Variants in CALN1 observed in about 807,000 individuals in gnomAD.
CALN1 encodes the protein calcium-binding protein 8.
Under a neutral mutation model 30.6 loss-of-function variants are expected in CALN1, and 17 were observed. The observed-to-expected ratio is 0.56, with a 90% confidence interval of 0.38 to 0.83. CALN1 has a LOEUF of 0.83. CALN1 is among the 40% of genes least tolerant of loss of function. CALN1 has a pLI of 0.00. For missense variants in CALN1, 291 were observed against 354.9 expected, an observed-to-expected ratio of 0.82 and a Z score of 1.45; for synonymous variants, 156 against 131.4, an observed-to-expected ratio of 1.19 and a Z score of -1.28.
intron 6 of CALN1, among the ~76,000 whole-genome samples, chr7:71,793,753 G>C (rs933032501): frequency 2.2e-4 from 34 of 152,144 alleles, no homozygotes; most frequent in Non-Finnish European, 7.4e-5. Context: ...TTGTGTGCCT[G>C]TAATCCCCGC....
At chr7:72,140,363 G>GGAGC (rs1311862468) in intron 3 of CALN1, among the ~76,000 whole-genome samples, 9 of 139,826 alleles carry the variant, frequency 6.4e-5, no homozygotes, top group Admixed American at 2.1e-4. Context: ...AGGGAGGGAG[G>GGAGC]GAGGGAGGGA....
chr7:72,330,479 A>AG (rs1801594216), intron 2 of CALN1, among the ~76,000 whole-genome samples: 1 of 151,488 alleles, frequency 6.6e-6, no homozygotes, highest in Non-Finnish European at 1.5e-5. Flanking sequence ...AAAAAAAAAA[A>AG]AAAAAAAGAG....
At chr7:72,118,229 G>C (rs901291032) in intron 3 of CALN1, among the ~76,000 whole-genome samples, 1 of 152,156 alleles carries the variant, frequency 6.6e-6, no homozygotes. Context: ...AACTTATTAA[G>C]TGGTGAAATT....
At chr7:72,077,112 GTAGTTC>G (rs1804801428) in intron 4 of CALN1, among the ~76,000 whole-genome samples, 1 of 151,980 alleles carries the variant, frequency 6.6e-6, no homozygotes. Context: ...GGGTGGTATG[GTAGTTC>G]TGACCGTTAC....
At chr7:72,223,326 G>A (rs555242506) in intron 3 of CALN1, among the ~76,000 whole-genome samples, 1 of 152,268 alleles carries the variant, frequency 6.6e-6, no homozygotes, top group South Asian at 2.1e-4. Flanking sequence ...AGTCACTGGA[G>A]GAGGGAAAAT....
intron 5 of CALN1, among the ~76,000 whole-genome samples, chr7:72,015,304 C>A (rs116043642): frequency 1.2e-3 from 185 of 152,346 alleles, no homozygotes; most frequent in African/African-American, 3.5e-3. Flanking sequence ...CTCAAGCCAG[C>A]GTTGACGTCA....
At chr7:71,812,517 T>A (rs995937126) in intron 5 of CALN1, among the ~76,000 whole-genome samples, 1 of 152,182 alleles carries the variant, frequency 6.6e-6, no homozygotes, top group Non-Finnish European at 1.5e-5. Flanking sequence ...GTAAAAAGTC[T>A]GTGAAACAGA....
chr7:72,454,775 T>C, the CALN1 span, among the ~76,000 whole-genome samples: 2 of 151,496 alleles, frequency 1.3e-5, no homozygotes, highest in African/African-American at 4.8e-5. Flanking sequence ...AGCTGTCTCC[T>C]CCTCTCCGTT....
intron 6 of CALN1, among the ~76,000 whole-genome samples, chr7:71,788,940 G>A (rs1407798856): frequency 6.6e-6 from 1 of 151,906 alleles, no homozygotes; most frequent in Admixed American, 6.6e-5. Flanking sequence ...TTACAGGCGT[G>A]AGCCACTGCG....
At chr7:72,484,239 G>A in the CALN1 span, among the ~76,000 whole-genome samples, 2 of 150,100 alleles carry the variant, frequency 1.3e-5, no homozygotes, top group Non-Finnish European at 3.0e-5. Flanking sequence ...GTTGGATGCT[G>A]GCTATTTTTA....
chr7:72,189,913 C>T (rs1016807383), intron 3 of CALN1, among the ~76,000 whole-genome samples: 5 of 152,172 alleles, frequency 3.3e-5, no homozygotes, highest in East Asian at 1.9e-4. Context: ...TGCATATAGC[C>T]GAATTCTGTC....
At chr7:72,242,365 T>C (rs11770522) in intron 3 of CALN1, among the ~76,000 whole-genome samples, 28,729 of 152,142 alleles carry the variant, frequency 0.19, 3,765 homozygotes, top group East Asian at 0.43. Context: ...CATAAATTGA[T>C]GGATAATATG....
the CALN1 span, among the ~76,000 whole-genome samples, chr7:72,468,122 C>T: frequency 6.6e-6 from 1 of 152,132 alleles, no homozygotes; most frequent in African/African-American, 2.4e-5. Context: ...ATGTAAACAC[C>T]ACAATTTGTT....
At chr7:72,481,463 C>T in the CALN1 span, among the ~76,000 whole-genome samples, 80 of 152,196 alleles carry the variant, frequency 5.3e-4, no homozygotes, top group African/African-American at 1.8e-3. Flanking sequence ...TTTTCTATTT[C>T]GTTGATTTTT....
At chr7:72,294,880 G>C (rs907970242) in intron 2 of CALN1, among the ~76,000 whole-genome samples, 3 of 152,082 alleles carry the variant, frequency 2.0e-5, no homozygotes, top group African/African-American at 7.2e-5. Context: ...ATGAAGAAAA[G>C]TGGGTATTAG....
chr7:72,353,569 T>A (rs1803061708), intron 2 of CALN1, among the ~76,000 whole-genome samples: 1 of 152,134 alleles, frequency 6.6e-6, no homozygotes, highest in African/African-American at 2.4e-5. Context: ...AAAAGGGAAC[T>A]TTTTCATCCT....
At chr7:72,276,478 A>T (rs1347270980) in intron 3 of CALN1, among the ~76,000 whole-genome samples, 2 of 152,194 alleles carry the variant, frequency 1.3e-5, no homozygotes, top group Admixed American at 1.3e-4. Flanking sequence ...GCCCTCATGA[A>T]TGGGATTAGT....
chr7:72,451,019 CTACAGT>C (rs1808644578), upstream of CALN1, among the ~76,000 whole-genome samples: 1 of 151,822 alleles, frequency 6.6e-6, no homozygotes, highest in Non-Finnish European at 1.5e-5. Flanking sequence ...CCCCAGGATG[CTACAGT>C]TCATATCTTC....
At chr7:71,997,657 G>T (rs918130289) in intron 5 of CALN1, among the ~76,000 whole-genome samples, 1 of 151,938 alleles carries the variant, frequency 6.6e-6, no homozygotes, top group East Asian at 1.9e-4. Context: ...TAAAAACTCA[G>T]AAAAATTCTA....
Sources: gnomAD v4.1 joint callset for allele counts (sites outside exome capture counted in the v4.1 genomes callset) on GRCh38, gnomAD v4.1.1 for gene constraint, MANE v1.5 for transcripts, NCBI Gene and HGNC (gene_info 2026-07-23, HGNC 2026-07-21) for gene names.